EPHB1: variants seen among roughly 807,000 people sequenced by gnomAD.
EPHB1 encodes ephrin type-B receptor 1.
In EPHB1, 30 loss-of-function variants were observed where a neutral mutation model predicts 94.4. The ratio of observed to expected loss-of-function variants is 0.32; its 90% CI spans 0.24 to 0.43. The LOEUF (loss-of-function observed/expected upper bound fraction) is 0.43, where lower values mean the gene tolerates loss of function less well. Among genes scored for constraint, EPHB1 ranks in the 20% least tolerant of loss-of-function variants. The pLI is 1.00. For synonymous variants in EPHB1, 522 were observed against 489.1 expected (o/e 1.07, Z -0.89); for missense variants, 1,055 against 1,308.3 (o/e 0.81, Z 2.99).
chr3:135,227,955 T>A (rs2107722841), intron 12 of EPHB1, among the ~76,000 whole-genome samples: 1 of 152,336 alleles, frequency 6.6e-6, no homozygotes, highest in South Asian at 2.1e-4. Context: ...TCTTTATTCT[T>A]AGACTCTTCG....
chr3:135,037,434 C>T (rs1002771131), intron 3 of EPHB1, among the ~76,000 whole-genome samples: 1 of 152,170 alleles, frequency 6.6e-6, no homozygotes, highest in African/African-American at 2.4e-5. Flanking sequence ...GAGAAAATGA[C>T]TGGTTTTGCA....
intron 12 of EPHB1, among the ~76,000 whole-genome samples, chr3:135,223,891 G>T (rs1943331082): frequency 6.6e-6 from 1 of 152,136 alleles, no homozygotes; most frequent in Non-Finnish European, 1.5e-5. Context: ...TTCAGTCTAG[G>T]ATCAAGTATT....
chr3:135,051,931 G>A (rs1937181210), intron 3 of EPHB1, among the ~76,000 whole-genome samples: 1 of 152,146 alleles, frequency 6.6e-6, no homozygotes, highest in Non-Finnish European at 1.5e-5. Context: ...AGGACACTGA[G>A]GAAGGCGAGA....
intron 4 of EPHB1, among the ~76,000 whole-genome samples, chr3:135,126,243 A>G (rs553932221): frequency 1.3e-5 from 2 of 152,310 alleles, no homozygotes; most frequent in East Asian, 1.9e-4. Flanking sequence ...ACAATCTTGA[A>G]TCTTCTCAGC....
At chr3:134,880,914 G>A (rs767025183) in intron 1 of EPHB1, among the ~76,000 whole-genome samples, 2 of 152,250 alleles carry the variant, frequency 1.3e-5, no homozygotes, top group Non-Finnish European at 2.9e-5. Context: ...AGGAAGAGAT[G>A]ATGTGAGAAT....
chr3:135,256,307 C>T (rs1331433499), intron 15 of EPHB1, among the ~76,000 whole-genome samples: 1 of 152,060 alleles, frequency 6.6e-6, no homozygotes, highest in Non-Finnish European at 1.5e-5. Flanking sequence ...CAGTTTCTTC[C>T]TAGTCTCAAT....
Position 135,248,405 on chromosome 3 carries a change from G to T in EPHB1, c.2586G>T (p.Gln862His). Residue 862 changes from glutamine to histidine, a missense_variant, in exon 14 of 16, where the codon CAG becomes CAT. By Grantham distance (24) the Gln-to-His change is conservative. Coordinates refer to ENST00000398015, the MANE Select transcript of EPHB1 (RefSeq NM_004441.5). ...ALHQLMLDCWQKDRNSRPRFA... is the reference protein window; with the variant it reads ...ALHQLMLDCWHKDRNSRPRFA... ...ACCAGCTCATGCTGGACTGTTGGCA[G>T]AAGGACCGGAACAGCCGGCCCCGGT... 1 of 1,613,944 alleles carries T rather than the reference G, an allele frequency of 6.2e-7. No individual in the cohort carries two copies. The highest frequency in any genetic ancestry group is 2.2e-5 in the East Asian group (1 of 44,864).
At chr3:134,934,529 G>A (rs1263174382) in intron 2 of EPHB1, among the ~76,000 whole-genome samples, 1 of 152,186 alleles carries the variant, frequency 6.6e-6, no homozygotes, top group East Asian at 1.9e-4. Flanking sequence ...GCTTGTGGTT[G>A]CCTTCATGGT....
intron 3 of EPHB1, among the ~76,000 whole-genome samples, chr3:134,991,489 G>A (rs1429732660): frequency 4.6e-5 from 7 of 151,814 alleles, no homozygotes; most frequent in African/African-American, 1.7e-4. Context: ...GTTTCCATAC[G>A]GGCATCAGCC....
chr3:134,950,261 T>G (rs981416407), intron 2 of EPHB1, among the ~76,000 whole-genome samples: 3 of 152,204 alleles, frequency 2.0e-5, no homozygotes, highest in Non-Finnish European at 4.4e-5. Flanking sequence ...GTCTTTCCCT[T>G]AAGAAAGTTT....
intron 4 of EPHB1, among the ~76,000 whole-genome samples, chr3:135,117,348 G>A (rs1162061524): frequency 6.6e-6 from 1 of 152,208 alleles, no homozygotes; most frequent in Non-Finnish European, 1.5e-5. Flanking sequence ...CCCCACAATT[G>A]GCTGGAAAAT....
intron 3 of EPHB1, among the ~76,000 whole-genome samples, chr3:135,050,759 T>C (rs1321107742): frequency 6.6e-6 from 1 of 152,158 alleles, no homozygotes; most frequent in African/African-American, 2.4e-5. Context: ...ACCTCCCCCA[T>C]GCTCTCTTGC....
At chr3:134,929,191 G>A (rs190053810) in intron 2 of EPHB1, among the ~76,000 whole-genome samples, 46 of 152,226 alleles carry the variant, frequency 3.0e-4, no homozygotes, top group Admixed American at 1.8e-3. Flanking sequence ...AGAGATAAAG[G>A]CACCTACAGA....
chr3:134,976,490 C>A (rs1346453500), intron 3 of EPHB1, among the ~76,000 whole-genome samples: 1 of 152,222 alleles, frequency 6.6e-6, no homozygotes, highest in Non-Finnish European at 1.5e-5. Flanking sequence ...AAAGATAAAT[C>A]TAATTTTGTC....
intron 3 of EPHB1, among the ~76,000 whole-genome samples, chr3:135,036,373 C>T (rs1163436757): frequency 6.6e-6 from 1 of 152,176 alleles, no homozygotes; most frequent in African/African-American, 2.4e-5. Context: ...GGCATATACC[C>T]ATCCAAACCG....
At chr3:135,027,424 AG>A (rs1167394711) in intron 3 of EPHB1, among the ~76,000 whole-genome samples, 1 of 146,964 alleles carries the variant, frequency 6.8e-6, no homozygotes, top group Non-Finnish European at 1.5e-5. Flanking sequence ...TTTAGCATGA[AG>A]GGTTGTTGAA....
chr3:135,179,741 C>T, intron 9 of EPHB1, 119 bp from the exon 10 acceptor site: 1 of 1,221,320 alleles, frequency 8.2e-7, no homozygotes. Context: ...AGAAAAGTTG[C>T]AGCCTGGTGT....
At chr3:135,136,062 A>G (rs1940608364) in intron 5 of EPHB1, among the ~76,000 whole-genome samples, 3 of 152,208 alleles carry the variant, frequency 2.0e-5, no homozygotes, top group African/African-American at 7.2e-5. Context: ...CTAGGATTAG[A>G]AAGAGATCAG....
At chr3:135,164,806 C>CA (rs59870139) in intron 7 of EPHB1, among the ~76,000 whole-genome samples, 3,975 of 86,070 alleles carry the variant, frequency 0.046, 110 homozygotes, top group Middle Eastern at 0.075. Flanking sequence ...AAGACTGTCT[C>CA]AAAAAAAAAA....
Sources: allele counts gnomAD v4.1 joint callset (sites outside exome capture counted in the v4.1 genomes callset), GRCh38; gene constraint gnomAD v4.1.1; transcripts MANE v1.5; gene names NCBI Gene and HGNC (gene_info 2026-07-23, HGNC 2026-07-21).